The following AKAP13 variants were observed in gnomAD, a reference collection of about 807,000 sequenced individuals.
The protein encoded by AKAP13 is A-kinase anchoring protein 13, also known as A-kinase anchor protein 13.
Under a neutral mutation model 264.5 loss-of-function variants are expected in AKAP13, and 80 were observed. The ratio of observed to expected loss-of-function variants is 0.30; its 90% confidence interval spans 0.25 to 0.36. The LOEUF is 0.36. AKAP13 is among the 10% of genes least tolerant of loss of function. AKAP13 has a pLI of 1.00. For synonymous variants in AKAP13, 1,380 were observed against 1,250.2 expected (o/e 1.10, Z -2.19); for missense variants, 3,712 against 3,435.2 (o/e 1.08, Z -2.01).
At chr15:85,622,023 A>G (rs190499813) in intron 8 of AKAP13, among the ~76,000 whole-genome samples, 2 of 152,180 alleles carry the variant, frequency 1.3e-5, no homozygotes, top group East Asian at 1.9e-4. Context: ...TAAGATGGGG[A>G]CGTTTGGTGT....
chr15:85,710,874 C>G (rs2086598964), intron 19 of AKAP13, among the ~76,000 whole-genome samples: 1 of 152,170 alleles, frequency 6.6e-6, no homozygotes, highest in African/African-American at 2.4e-5. Context: ...AGCTTAAAGG[C>G]AGCACCTTTG....
chr15:85,602,469 C>T (rs564249861), intron 8 of AKAP13, among the ~76,000 whole-genome samples: 60 of 150,722 alleles, frequency 4.0e-4, no homozygotes, highest in African/African-American at 1.2e-3. Context: ...AGCCATTGTG[C>T]TGGGTCTGGT....
chr15:85,579,198 A>G lies in AKAP13; in HGVS notation c.1130A>G (p.Glu377Gly). The G allele has an allele frequency of 1.2e-6, 2 of 1,614,248 alleles. No homozygotes were observed. The highest frequency in any genetic ancestry group is 1.7e-6 in the Non-Finnish European group (2 of 1,180,048). Residue 377 changes from glutamate to glycine, a missense_variant, in exon 7 of 37, where the codon GAA becomes GGA. Glu to Gly is a moderately conservative substitution (Grantham distance 98, BLOSUM62 -2). This residue lies in a region of AKAP13 where 2,759 missense variants were observed against 2,411.7 expected (regional missense o/e 1.14). Coordinates refer to ENST00000394518, the MANE Select transcript of AKAP13 (RefSeq NM_007200.5). Reference protein sequence around the residue: ...RSCRKKNKGVERKGEEVEPAP... With the variant: ...RSCRKKNKGVGRKGEEVEPAP... ...TGTAGGAAGAAAAATAAAGGCGTGG[A>G]AAGAAAAGGGGAAGAGGTGGAGCCA...
At chr15:85,648,742 G>A (rs1461214976) in intron 10 of AKAP13, among the ~76,000 whole-genome samples, 2 of 152,254 alleles carry the variant, frequency 1.3e-5, no homozygotes, top group African/African-American at 4.8e-5. Context: ...AGGAGGCTGA[G>A]GTGGGAAGAT....
intron 5 of AKAP13, among the ~76,000 whole-genome samples, chr15:85,561,570 G>C (rs991981421): frequency 6.6e-6 from 1 of 152,124 alleles, no homozygotes; most frequent in Non-Finnish European, 1.5e-5. Context: ...GTATAAAATT[G>C]ATTTAACTTT....
chr15:85,582,738 T>C, intron 7 of AKAP13: 1 of 282,418 alleles, frequency 3.5e-6, no homozygotes, highest in African/African-American at 2.3e-5. Flanking sequence ...GGAGTGGACC[T>C]CTAGTTCCAT....
chr15:85,677,577 C>A (rs1013384696), intron 14 of AKAP13, among the ~76,000 whole-genome samples: 10 of 151,424 alleles, frequency 6.6e-5, no homozygotes, highest in Admixed American at 5.3e-4. Flanking sequence ...TTTAAAAATA[C>A]CTTTCCTTTA....
chr15:85,568,308 A>G (rs1490617754), intron 5 of AKAP13, among the ~76,000 whole-genome samples: 1 of 151,308 alleles, frequency 6.6e-6, no homozygotes, highest in Non-Finnish European at 1.5e-5. Context: ...AGAAAAAAGG[A>G]AAAAAAAAGT....
intron 3 of AKAP13, among the ~76,000 whole-genome samples, chr15:85,524,577 A>G (rs961824008): frequency 4.6e-5 from 7 of 152,002 alleles, no homozygotes; most frequent in African/African-American, 1.5e-4. Context: ...GTGTTTTGTA[A>G]CATTTTAGTT....
At chr15:85,691,585 C>G (rs890833082) in intron 16 of AKAP13, among the ~76,000 whole-genome samples, 8 of 152,216 alleles carry the variant, frequency 5.3e-5, no homozygotes, top group African/African-American at 1.7e-4. Context: ...TAGAACATTT[C>G]TGACATTCCT....
At chr15:85,553,954 C>T (rs1377909482) in intron 5 of AKAP13, among the ~76,000 whole-genome samples, 6 of 152,178 alleles carry the variant, frequency 3.9e-5, no homozygotes, top group Non-Finnish European at 8.8e-5. Context: ...TTCCATACCC[C>T]GCCCCCTCAT....
chr15:85,448,052 A>G (rs1226381518), intron 1 of AKAP13, among the ~76,000 whole-genome samples: 2 of 152,110 alleles, frequency 1.3e-5, no homozygotes, highest in Admixed American at 1.3e-4. Context: ...TGACTTTTTA[A>G]TAATAGCCAT....
At chr15:85,582,934 T>C in intron 7 of AKAP13, 2 of 985,468 alleles carry the variant, frequency 2.0e-6, no homozygotes, top group South Asian at 4.7e-5. Flanking sequence ...GTTCCATCTG[T>C]GGGTAACCAT....
At chr15:85,696,167 T>C (rs2085556463) in intron 17 of AKAP13, among the ~76,000 whole-genome samples, 1 of 152,252 alleles carries the variant, frequency 6.6e-6, no homozygotes, top group Admixed American at 6.5e-5. Context: ...TGATTAGTAT[T>C]GTCTTTGATT....
chr15:85,439,213 GA>G (rs1210355084), intron 1 of AKAP13, among the ~76,000 whole-genome samples: 1 of 150,794 alleles, frequency 6.6e-6, no homozygotes, highest in African/African-American at 2.4e-5. Context: ...AAAAACACAT[GA>G]AAAAATGCTC....
Position 85,718,823 on chromosome 15 carries a change from C to G in AKAP13, c.6002-253C>G, listed in dbSNP as rs1249599783. The stretch of plus-strand genomic sequence containing the variant: ...GCTAAAGCAGAAAGATCGCTTGAGC[C>G]CAGGAGGTTGAGGCTGCAATGAGCC... On this transcript the variant is annotated intron_variant, in intron 22 of 36. Transcript: ENST00000394518. The surrounding 1 kb of genome is among the most constrained non-coding windows in gnomAD (Gnocchi z 4.9). The G allele has an allele frequency of 1.4e-5, 6 of 441,106 alleles. No individual in the cohort carries two copies. In the Middle Eastern group the frequency reaches 2.0e-3, roughly 148 times the overall value. 27.3% of individuals were successfully genotyped at this position (441,106 alleles called of 1,614,324 possible). A position where few individuals can be genotyped will look rare whatever the true frequency, so the allele number is the denominator to read the frequency against.
At chr15:85,431,350 G>T (rs2150925200) in intron 1 of AKAP13, among the ~76,000 whole-genome samples, 1 of 152,300 alleles carries the variant, frequency 6.6e-6, no homozygotes, top group South Asian at 2.1e-4. Flanking sequence ...AGCTCTTCCA[G>T]CTCTGTAACT....
chr15:85,516,097 TTCTGTC>T (rs1460817355), intron 2 of AKAP13, among the ~76,000 whole-genome samples: 1 of 152,212 alleles, frequency 6.6e-6, no homozygotes, highest in East Asian at 1.9e-4. Context: ...GTGTCTCCCT[TTCTGTC>T]TCTTCAGATG....
chr15:85,506,869 C>G (rs2076241069), intron 2 of AKAP13, among the ~76,000 whole-genome samples: 1 of 152,180 alleles, frequency 6.6e-6, no homozygotes, highest in Admixed American at 6.5e-5. Context: ...TGCCCATGTT[C>G]CCTATGCTGA....
Sources: allele counts gnomAD v4.1 joint callset (sites outside exome capture counted in the v4.1 genomes callset), GRCh38; gene constraint gnomAD v4.1.1; regional missense constraint gnomAD v4.1.1; non-coding constraint Gnocchi (gnomAD v3.1); transcripts MANE v1.5; gene names NCBI Gene and HGNC (gene_info 2026-07-23, HGNC 2026-07-21).